Variants in SYNE2 observed in about 807,000 individuals in gnomAD.
SYNE2 encodes spectrin repeat containing nuclear envelope protein 2.
A neutral mutation model predicts 856.3 loss-of-function variants in SYNE2; 431 were observed. That is an observed-to-expected ratio of 0.50 (90% CI 0.47 to 0.55). SYNE2 has a LOEUF of 0.55. Among genes scored for constraint, SYNE2 ranks in the 20% least tolerant of loss-of-function variants. SYNE2 has a pLI of 0.00. For synonymous variants in SYNE2, 2,923 were observed against 2,872.3 expected, an observed-to-expected ratio of 1.02 and a Z score of -0.56; for missense variants, 8,129 against 8,023.2, an observed-to-expected ratio of 1.01 and a Z score of -0.50.
At chr14:64,186,788 C>A (rs1016358974) in intron 97 of SYNE2, among the ~76,000 whole-genome samples, 4 of 152,220 alleles carry the variant, frequency 2.6e-5, no homozygotes, top group Non-Finnish European at 5.9e-5. Flanking sequence ...TAGAACTTTG[C>A]ACGCTTTTAA....
At chr14:63,974,392 AGC>A (rs1396707762) in intron 11 of SYNE2, among the ~76,000 whole-genome samples, 1 of 152,108 alleles carries the variant, frequency 6.6e-6, no homozygotes, top group African/African-American at 2.4e-5. Context: ...AGGAAGCGAG[AGC>A]GAGAGAGACA....
At chr14:64,136,289 C>CAA (rs34694248) in intron 78 of SYNE2, among the ~76,000 whole-genome samples, 1,292 of 61,578 alleles carry the variant, frequency 0.021, 30 homozygotes, top group African/African-American at 0.057. Context: ...GACTTCATCT[C>CAA]AAAAAAAAAA....
chr14:63,794,075 A>T (rs1051236835), intron 1 of SYNE2, among the ~76,000 whole-genome samples: 1 of 152,254 alleles, frequency 6.6e-6, no homozygotes, highest in Non-Finnish European at 1.5e-5. Flanking sequence ...TGCTTAGAAA[A>T]AAATTATAAA....
chr14:63,940,754 C>A, intron 3 of SYNE2, 79 bp downstream of exon 3: 1 of 1,346,112 alleles, frequency 7.4e-7, no homozygotes, highest in Non-Finnish European at 1.1e-6. Flanking sequence ...CCCAAGGAGG[C>A]CATTAAAAAA....
At chr14:63,783,163 A>C (rs1405048245) in intron 1 of SYNE2, among the ~76,000 whole-genome samples, 1 of 152,120 alleles carries the variant, frequency 6.6e-6, no homozygotes, top group Non-Finnish European at 1.5e-5. Flanking sequence ...CTCCCATGCT[A>C]TTCTCATGAT....
intron 1 of SYNE2, among the ~76,000 whole-genome samples, chr14:63,804,348 T>C (rs892241490): frequency 2.0e-5 from 3 of 152,220 alleles, no homozygotes; most frequent in Non-Finnish European, 4.4e-5. Context: ...TCTTTTGCTG[T>C]GCAGAAGCTC....
chr14:64,180,535 G>A lies in SYNE2; in HGVS notation c.17556+3052G>A, dbSNP rs192733427. On this transcript the variant is annotated intron_variant, in intron 96 of 115. Transcript: ENST00000555002. ...TTTTTTTTTTTTGAGATGGAGCTTCGTTCTTGTCACCCAGGCTGGCGTGCA... is the reference window on the plus strand; with the variant it reads ...TTTTTTTTTTTTGAGATGGAGCTTCATTCTTGTCACCCAGGCTGGCGTGCA... Among the ~76,000 whole-genome samples the A allele has an allele frequency of 2.0e-4, 29 of 146,220 alleles. No homozygotes were observed. The East Asian group carries it at 3.2e-3, about 16-fold the overall frequency.
chr14:64,116,103 C>T (rs1467991603), intron 66 of SYNE2, among the ~76,000 whole-genome samples: 1 of 147,436 alleles, frequency 6.8e-6, no homozygotes, highest in Admixed American at 6.9e-5. Flanking sequence ...CCCAAGAATT[C>T]AAGGCTGCAG....
chr14:64,011,737 G>C (rs1183946589), intron 32 of SYNE2, among the ~76,000 whole-genome samples: 1 of 152,114 alleles, frequency 6.6e-6, no homozygotes, highest in Non-Finnish European at 1.5e-5. Context: ...CGTGTGGCCT[G>C]TCTGCTGCTC....
intron 2 of SYNE2, among the ~76,000 whole-genome samples, chr14:63,919,503 TG>T (rs1335090270): frequency 1.3e-5 from 2 of 152,090 alleles, no homozygotes; most frequent in Non-Finnish European, 2.9e-5. Flanking sequence ...TGGATTGTGG[TG>T]GGCAAGGGGT....
intron 113 of SYNE2, among the ~76,000 whole-genome samples, chr14:64,223,780 G>A (rs1037200520): frequency 2.0e-5 from 3 of 152,064 alleles, no homozygotes; most frequent in Admixed American, 6.6e-5. Flanking sequence ...TCAAAACAAA[G>A]GGAATACCCA....
chr14:64,108,568 C>A (rs980159878), intron 65 of SYNE2, among the ~76,000 whole-genome samples: 1 of 152,040 alleles, frequency 6.6e-6, no homozygotes, highest in Non-Finnish European at 1.5e-5. Flanking sequence ...TCAAATAGCT[C>A]CTATAAAAGA....
At chr14:63,824,880 A>T (rs562360561) in intron 1 of SYNE2, among the ~76,000 whole-genome samples, 1 of 151,620 alleles carries the variant, frequency 6.6e-6, no homozygotes, top group African/African-American at 2.4e-5. Flanking sequence ...ACACTTGTAA[A>T]CCCAGCACTT....
intron 45 of SYNE2, among the ~76,000 whole-genome samples, chr14:64,033,608 C>T (rs529455907): frequency 2.6e-5 from 4 of 152,062 alleles, no homozygotes. Context: ...ATTGCTTGAG[C>T]CCAGGAGGTC....
chr14:64,199,822 A>C (rs2098554475), intron 99 of SYNE2, among the ~76,000 whole-genome samples: 1 of 152,172 alleles, frequency 6.6e-6, no homozygotes, highest in Non-Finnish European at 1.5e-5. Flanking sequence ...TTAATAATTA[A>C]GTTTATAATT....
intron 84 of SYNE2, 110 bp from the exon 85 acceptor site, chr14:64,152,454 A>T: frequency 9.6e-7 from 1 of 1,043,048 alleles, no homozygotes; most frequent in Non-Finnish European, 1.4e-6. Context: ...CTATTTAATT[A>T]TATAATCTAA....
At chr14:64,090,296 GGGGTT>G (rs1224536679) in intron 59 of SYNE2, among the ~76,000 whole-genome samples, 27 of 152,300 alleles carry the variant, frequency 1.8e-4, no homozygotes, top group African/African-American at 6.5e-4. Flanking sequence ...TACCTCTCGA[GGGGTT>G]GTGAGGATTA....
intron 46 of SYNE2, among the ~76,000 whole-genome samples, 181 bp from the exon 47 acceptor site, chr14:64,049,430 A>AATAATG (rs2097208528): frequency 3.1e-4 from 1 of 3,244 alleles, no homozygotes; most frequent in Non-Finnish European, 3.0e-3. Context: ...TGGGTGACAA[A>AATAATG]ATAATAATAA....
At chr14:63,845,743 CT>C (rs762078790) in intron 1 of SYNE2, among the ~76,000 whole-genome samples, 83 of 135,526 alleles carry the variant, frequency 6.1e-4, no homozygotes, top group Middle Eastern at 3.7e-3. Context: ...TTTTTCTTTT[CT>C]TTTTTTTTTT....
Sources: gnomAD v4.1 joint callset for allele counts (sites outside exome capture counted in the v4.1 genomes callset) on GRCh38, gnomAD v4.1.1 for gene constraint, MANE v1.5 for transcripts, NCBI Gene and HGNC (gene_info 2026-07-23, HGNC 2026-07-21) for gene names.